The following KYNU variants were observed in gnomAD, a reference collection of about 807,000 sequenced individuals.
KYNU encodes kynureninase.
Under a neutral mutation model 59.2 loss-of-function variants are expected in KYNU, and 54 were observed. That is an observed-to-expected ratio of 0.91 (90% CI 0.73 to 1.14). The LOEUF is 1.14. Among genes scored for constraint, KYNU ranks in the 50% most tolerant of loss-of-function variants. The pLI, the probability that KYNU is intolerant of heterozygous loss-of-function variation, is 0.00. For missense variants in KYNU, 567 were observed against 554.4 expected (o/e 1.02, Z -0.23); for synonymous variants, 177 against 192.0 (o/e 0.92, Z 0.65).
intron 2 of KYNU, among the ~76,000 whole-genome samples, chr2:142,900,495 T>G (rs1392865194): frequency 6.6e-6 from 1 of 152,222 alleles, no homozygotes; most frequent in Non-Finnish European, 1.5e-5. Context: ...TCTCAGGCAA[T>G]AGATGATTGG....
chr2:143,051,287 T>G lies in KYNU; in HGVS notation c.*9115T>G, dbSNP rs1687261530. The G allele has an allele frequency of 6.6e-6, 1 of 152,176 alleles. No homozygotes were observed. The highest frequency in any genetic ancestry group is 2.1e-4 in the South Asian group (1 of 4,828). 9.4% of individuals were successfully genotyped at this position (152,176 alleles called of 1,614,324 possible). A position where few individuals can be genotyped will look rare whatever the true frequency, so the allele number is the denominator to read the frequency against. On this transcript the variant is annotated 3_prime_UTR_variant, in exon 14 of 14. Transcript: ENST00000264170. ...AAAACAGGTAGGCTTATATTACATA[T>G]TTCCAACTTCAAACTTGTTATTTAT... is the stretch of plus-strand genomic sequence containing the variant.
intron 10 of KYNU, among the ~76,000 whole-genome samples, chr2:143,005,731 T>A (rs868841564): frequency 5.3e-5 from 8 of 152,064 alleles, no homozygotes; most frequent in African/African-American, 1.9e-4. Context: ...AAAGTAATTG[T>A]GGTTTTTGCC....
intron 4 of KYNU, among the ~76,000 whole-genome samples, chr2:142,934,820 G>T (rs1221007289): frequency 6.6e-6 from 1 of 152,192 alleles, no homozygotes; most frequent in Non-Finnish European, 1.5e-5. Flanking sequence ...GGCGGTCCTT[G>T]TGGGGTCCGC....
At chr2:142,958,574 A>G (rs1184453383) in intron 7 of KYNU, among the ~76,000 whole-genome samples, 1 of 152,222 alleles carries the variant, frequency 6.6e-6, no homozygotes, top group Non-Finnish European at 1.5e-5. Context: ...ATTTGCCAAC[A>G]TACAATAAAT....
rs891752363 is a variant in KYNU, at chr2:143,009,957, C to A, written c.903-19670C>A. ...TGACAAACCCACAGCCAATATCATA[C>A]TGAATGGGCAAAAACTGGAAGCATT... On this transcript the variant is annotated intron_variant, in intron 10 of 13. Coordinates refer to ENST00000264170, the MANE Select transcript of KYNU (RefSeq NM_003937.3). 5.7e-5 allele frequency among the ~76,000 whole-genome samples: 7 copies of A among 123,306 alleles called. 1 individual carries two copies. The highest frequency in any genetic ancestry group is 2.5e-4 in the African/African-American group (7 of 28,382). The allele number at this position is 123,306 out of a possible 152,430, so 80.9% of individuals were successfully genotyped here.
intron 4 of KYNU, chr2:142,947,019 C>A: frequency 1.3e-6 from 2 of 1,539,370 alleles, no homozygotes; most frequent in Middle Eastern, 1.7e-4. Context: ...TTTCATGGTA[C>A]CCTTTTGTGG....
intron 2 of KYNU, among the ~76,000 whole-genome samples, chr2:142,897,011 T>C (rs1285253531): frequency 6.6e-6 from 1 of 152,244 alleles, no homozygotes; most frequent in African/African-American, 2.4e-5. Flanking sequence ...TCTTAAAGAC[T>C]TCTTTCGCCC....
chr2:142,885,387 A>G lies in KYNU; in HGVS notation c.20A>G (p.Glu7Gly). The change falls in exon 2 of 14, where the codon GAG (glutamate) becomes GGG (glycine). Residue 7 changes from glutamate to glycine, a missense_variant. Transcript: ENST00000264170. MEPSSL[E>G]LPADTVQRIA... ...CTTGTAATGGAGCCTTCATCTCTTG[A>G]GCTGCCGGCTGACACAGTGCAGCGC... 6.2e-7 allele frequency: 1 copy of G among 1,613,964 alleles called. No individual in the cohort carries two copies.
At chr2:142,928,113 T>C (rs539526838) in intron 4 of KYNU, among the ~76,000 whole-genome samples, 1 of 152,302 alleles carries the variant, frequency 6.6e-6, no homozygotes, top group African/African-American at 2.4e-5. Context: ...CATTTTCACA[T>C]GCTAAAGGTG....
In KYNU at chr2:143,028,705, G is replaced by A. The variant is rs550619888; in HGVS notation, c.903-922G>A. ...TACTAAAAATACAAAAAAGTTAGCC[G>A]GGCGTGGTGGCACATGCCTGCAACC... On this transcript the variant is annotated intron_variant, in intron 10 of 13. Coordinates refer to ENST00000264170, the MANE Select transcript of KYNU (RefSeq NM_003937.3). Among the ~76,000 whole-genome samples the A allele has an allele frequency of 3.5e-3, 536 of 151,730 alleles. 4 individuals are homozygous for A. The highest frequency in any genetic ancestry group is 0.018 in the South Asian group (86 of 4,794).
intron 4 of KYNU, among the ~76,000 whole-genome samples, chr2:142,951,050 T>C (rs962198716): frequency 2.6e-5 from 4 of 152,240 alleles, no homozygotes; most frequent in African/African-American, 9.6e-5. Context: ...CTGTCTTATA[T>C]GAATGTGGTT....
At chr2:142,912,703 C>CTTTTTTTTTTTTTTTTTTTTT (rs1163302368) in intron 2 of KYNU, among the ~76,000 whole-genome samples, 1 of 71,836 alleles carries the variant, frequency 1.4e-5, no homozygotes, top group Non-Finnish European at 2.4e-5. Flanking sequence ...TTCTTTCTTC[C>CTTTTTTTTTTTTTTTTTTTTT]TTTTTTTTTT....
intron 2 of KYNU, among the ~76,000 whole-genome samples, chr2:142,886,514 A>G (rs1681519646): frequency 6.6e-6 from 1 of 152,164 alleles, no homozygotes; most frequent in South Asian, 2.1e-4. Context: ...GTTGAGGGAG[A>G]TATTGATGGA....
intron 10 of KYNU, among the ~76,000 whole-genome samples, chr2:143,005,440 A>G (rs1235741661): frequency 1.3e-5 from 2 of 151,968 alleles, no homozygotes; most frequent in Non-Finnish European, 2.9e-5. Flanking sequence ...GAGAAACTGG[A>G]AAGAAAATAG....
At chr2:143,012,356 G>A (rs1301619366) in intron 10 of KYNU, among the ~76,000 whole-genome samples, 3 of 151,908 alleles carry the variant, frequency 2.0e-5, no homozygotes, top group Non-Finnish European at 4.4e-5. Flanking sequence ...AGTGGTGCAT[G>A]CCTGTAATCC....
chr2:143,019,368 C>T (rs1686344701), intron 10 of KYNU, among the ~76,000 whole-genome samples: 1 of 151,952 alleles, frequency 6.6e-6, no homozygotes, highest in Non-Finnish European at 1.5e-5. Flanking sequence ...TATTAAGTGC[C>T]TTTTCAGCAC....
chr2:142,990,261 A>T (rs1175233698), intron 10 of KYNU, among the ~76,000 whole-genome samples: 1 of 151,922 alleles, frequency 6.6e-6, no homozygotes, highest in Admixed American at 6.6e-5. Context: ...TTGCTCTGAA[A>T]TATGAAGGGA....
chr2:143,026,667 A>G (rs962621306), intron 10 of KYNU, among the ~76,000 whole-genome samples: 3 of 152,238 alleles, frequency 2.0e-5, no homozygotes, highest in African/African-American at 7.2e-5. Context: ...GCCCCACAGC[A>G]GACTCCAACC....
intron 10 of KYNU, among the ~76,000 whole-genome samples, chr2:142,995,108 A>G (rs537647999): frequency 6.6e-6 from 1 of 152,212 alleles, no homozygotes; most frequent in South Asian, 2.1e-4. Context: ...TATTTTACCA[A>G]TATTTCAAAA....
Sources: gnomAD v4.1 joint callset for allele counts (sites outside exome capture counted in the v4.1 genomes callset) on GRCh38, gnomAD v4.1.1 for gene constraint, MANE v1.5 for transcripts, NCBI Gene and HGNC (gene_info 2026-07-23, HGNC 2026-07-21) for gene names.